SLC2A9: variants seen among roughly 807,000 people sequenced by gnomAD.
SLC2A9 encodes the protein solute carrier family 2 member 9.
SLC2A9 carries 39 observed loss-of-function variants against 50.6 expected under a neutral mutation model. The observed-to-expected ratio is 0.77, with a 90% CI of 0.60 to 1.01. The LOEUF (loss-of-function observed/expected upper bound fraction) is 1.01, where lower values mean the gene tolerates loss of function less well. Among genes scored for constraint, SLC2A9 ranks in the 50% least tolerant of loss-of-function variants. The pLI is 0.00. For synonymous variants in SLC2A9, 324 were observed against 276.9 expected, an observed-to-expected ratio of 1.17 and a Z score of -1.69; for missense variants, 686 against 677.6, an observed-to-expected ratio of 1.01 and a Z score of -0.14.
chr4:9,956,854 G>A (rs770994500), intron 5 of SLC2A9, among the ~76,000 whole-genome samples: 1 of 152,164 alleles, frequency 6.6e-6, no homozygotes, highest in Non-Finnish European at 1.5e-5. Context: ...ACATTTCAAA[G>A]GTATTAACCA....
chr4:9,996,164 T>C (rs1478590470), intron 3 of SLC2A9, among the ~76,000 whole-genome samples: 1 of 152,210 alleles, frequency 6.6e-6, no homozygotes, highest in African/African-American at 2.4e-5. Flanking sequence ...TGCTTCCTTA[T>C]TTGTAATGTA....
At chr4:9,819,260 G>A (rs556365316) in intron 3 of SLC2A9, among the ~76,000 whole-genome samples, 34 of 151,936 alleles carry the variant, frequency 2.2e-4, no homozygotes, top group East Asian at 1.4e-3. Context: ...TCACCACTCT[G>A]CTACTCCACT....
chr4:9,961,110 T>C (rs370566976), intron 5 of SLC2A9, among the ~76,000 whole-genome samples: 15 of 152,292 alleles, frequency 9.8e-5, no homozygotes, highest in African/African-American at 3.6e-4. Flanking sequence ...GTCATACAGC[T>C]AGAAAGCAGC....
rs997532716 is a variant in SLC2A9, at chr4:9,898,304, A to C, written c.1114-7593T>G. Among the ~76,000 whole-genome samples, 3 of 152,372 alleles carry C rather than the reference A, an allele frequency of 2.0e-5. No individual in the cohort carries two copies. In the East Asian group the frequency reaches 5.8e-4, roughly 29 times the overall value. On this transcript the variant is annotated intron_variant, in intron 8 of 11. Coordinates refer to ENST00000264784, the MANE Select transcript of SLC2A9 (RefSeq NM_020041.3). The stretch of plus-strand genomic sequence containing the variant: ...CAAATATGTACAACTATTATATGAC[A>C]ATAAACAACATTTTAAAAAGGAAGA...
At chr4:9,970,242 A>T (rs1332105657) in intron 5 of SLC2A9, among the ~76,000 whole-genome samples, 1 of 152,072 alleles carries the variant, frequency 6.6e-6, no homozygotes, top group Non-Finnish European at 1.5e-5. Context: ...CTTTGCGTGC[A>T]CTCCTAGACT....
chr4:9,980,646 G>A lies in SLC2A9; in HGVS notation c.627C>T (p.Ile209=). 1.2e-6 allele frequency: 2 copies of A among 1,614,178 alleles called. No homozygotes were observed. The highest frequency in any genetic ancestry group is 1.7e-6 in the Non-Finnish European group (2 of 1,180,028). The change falls in exon 5 of 12, where the codon ATC becomes ATT. Residue 209 remains isoleucine, a synonymous_variant. Coordinates refer to ENST00000264784, the MANE Select transcript of SLC2A9 (RefSeq NM_020041.3). ...GCTGCCCAGTGAACACGCCAATGCA[G>A]ATAAAGATGGCAGTCACCTGCCCCA... The part of the protein sequence containing the change: ...GSLGQVTAIF[I]CIGVFTGQLL...
At chr4:10,027,374 G>A (rs1170723583) in intron 1 of SLC2A9, among the ~76,000 whole-genome samples, 4 of 152,076 alleles carry the variant, frequency 2.6e-5, no homozygotes, top group African/African-American at 7.2e-5. Flanking sequence ...CTTTGATCCC[G>A]TCGCCTCCTG....
chr4:9,812,193 C>A (rs1366757104), intron 3 of SLC2A9, among the ~76,000 whole-genome samples: 1 of 152,178 alleles, frequency 6.6e-6, no homozygotes, highest in Non-Finnish European at 1.5e-5. Context: ...TCCTATATCT[C>A]TCAACAATCC....
At chr4:9,996,702 C>G in intron 3 of SLC2A9, 79 bp downstream of exon 3, 1 of 1,531,858 alleles carries the variant, frequency 6.5e-7, no homozygotes, top group Non-Finnish European at 8.9e-7. Context: ...AGTTCTGTTG[C>G]CTGTCAGGAC....
chr4:9,996,537 T>C (rs547377273), intron 3 of SLC2A9, among the ~76,000 whole-genome samples: 1 of 152,318 alleles, frequency 6.6e-6, no homozygotes, highest in East Asian at 1.9e-4. Flanking sequence ...CCCATGTGGG[T>C]GCTGTGGCTC....
At chr4:9,856,934 G>A (rs1242850633) in intron 10 of SLC2A9, among the ~76,000 whole-genome samples, 1 of 152,096 alleles carries the variant, frequency 6.6e-6, no homozygotes, top group African/African-American at 2.4e-5. Flanking sequence ...GGACACAAGG[G>A]AACAATGACA....
chr4:9,787,091 C>A (rs1427753017), intron 3 of SLC2A9, among the ~76,000 whole-genome samples: 1 of 152,156 alleles, frequency 6.6e-6, no homozygotes, highest in East Asian at 1.9e-4. Flanking sequence ...AATTTGGGCA[C>A]CTTTCTGAGC....
chr4:10,026,335 A>AT (rs1763751130), upstream of SLC2A9, among the ~76,000 whole-genome samples: 4 of 152,144 alleles, frequency 2.6e-5, no homozygotes, highest in African/African-American at 2.4e-5. Flanking sequence ...TGTCACCCAT[A>AT]TTTTTTTTTT....
chr4:9,873,759 C>A (rs1733827975), intron 10 of SLC2A9, among the ~76,000 whole-genome samples: 1 of 152,160 alleles, frequency 6.6e-6, no homozygotes, highest in African/African-American at 2.4e-5. Context: ...GCAAAACTGC[C>A]ACACTGACTA....
chr4:9,839,537 G>A (rs1368795947), intron 10 of SLC2A9, among the ~76,000 whole-genome samples: 1 of 151,930 alleles, frequency 6.6e-6, no homozygotes, highest in Non-Finnish European at 1.5e-5. Context: ...TATGTTCATT[G>A]CAGCATTATT....
chr4:9,851,812 A>G (rs950480154), intron 10 of SLC2A9, among the ~76,000 whole-genome samples: 2 of 152,250 alleles, frequency 1.3e-5, no homozygotes, highest in African/African-American at 2.4e-5. Flanking sequence ...CCTAGGATGA[A>G]GAAAAAATCT....
chr4:9,908,675 T>C (rs190673250), intron 7 of SLC2A9, among the ~76,000 whole-genome samples: 72 of 152,194 alleles, frequency 4.7e-4, no homozygotes, highest in African/African-American at 1.6e-3. Context: ...TTACATTAGG[T>C]ATATCTCCTA....
intron 9 of SLC2A9, among the ~76,000 whole-genome samples, chr4:9,888,800 A>G (rs955800019): frequency 6.6e-6 from 1 of 152,126 alleles, no homozygotes; most frequent in Admixed American, 6.5e-5. Context: ...CAGACAGAGG[A>G]ATGGGGAACT....
chr4:10,027,187 T>G (rs1401082749), intron 1 of SLC2A9, among the ~76,000 whole-genome samples: 1 of 152,214 alleles, frequency 6.6e-6, no homozygotes, highest in Non-Finnish European at 1.5e-5. Flanking sequence ...GGGCAGTGGC[T>G]GCAGCAGCCT....
Sources: allele counts gnomAD v4.1 joint callset (sites outside exome capture counted in the v4.1 genomes callset), GRCh38; gene constraint gnomAD v4.1.1; transcripts MANE v1.5; gene names NCBI Gene and HGNC (gene_info 2026-07-23, HGNC 2026-07-21).